The following ADAMTSL1 variants were observed in gnomAD, a reference collection of about 807,000 sequenced individuals.
The protein encoded by ADAMTSL1 is ADAMTS like 1.
Under a neutral mutation model 201.8 loss-of-function variants are expected in ADAMTSL1, and 126 were observed. That is an observed-to-expected ratio of 0.62 (90% CI 0.54 to 0.72). The LOEUF (loss-of-function observed/expected upper bound fraction) is 0.72, where lower values mean the gene tolerates loss of function less well. ADAMTSL1 is among the 30% of genes least tolerant of loss of function. The pLI, the probability that ADAMTSL1 is intolerant of heterozygous loss-of-function variation, is 0.00. For synonymous variants in ADAMTSL1, 1,121 were observed against 903.4 expected (o/e 1.24, Z -4.32); for missense variants, 2,679 against 2,277.8 (o/e 1.18, Z -3.59).
chr9:18,800,134 T>C (rs1327056400), intron 20 of ADAMTSL1, among the ~76,000 whole-genome samples: 5 of 151,988 alleles, frequency 3.3e-5, no homozygotes, highest in Non-Finnish European at 7.4e-5. Context: ...CCCAGCACTT[T>C]GGGAGGCTGA....
intron 1 of ADAMTSL1, among the ~76,000 whole-genome samples, chr9:17,914,836 A>T (rs530707384): frequency 2.2e-4 from 34 of 152,264 alleles, no homozygotes; most frequent in Non-Finnish European, 4.4e-4. Flanking sequence ...TCAGGATACA[A>T]AATCAATGTA....
At chr9:18,325,437 T>C (rs946289460) in intron 2 of ADAMTSL1, among the ~76,000 whole-genome samples, 2 of 152,222 alleles carry the variant, frequency 1.3e-5, no homozygotes, top group African/African-American at 4.8e-5. Flanking sequence ...TACATACATA[T>C]TCATGTGGAT....
chr9:18,625,152 G>A (rs1826279560), intron 5 of ADAMTSL1, among the ~76,000 whole-genome samples: 1 of 152,188 alleles, frequency 6.6e-6, no homozygotes, highest in Non-Finnish European at 1.5e-5. Context: ...GAGGAGTCCT[G>A]CCAGATCTCT....
intron 23 of ADAMTSL1, among the ~76,000 whole-genome samples, chr9:18,880,108 A>C (rs1355099211): frequency 1.3e-5 from 2 of 152,096 alleles, no homozygotes; most frequent in African/African-American, 2.4e-5. Context: ...TACTTCTCAT[A>C]CTAGTTCTCT....
chr9:18,567,959 T>C (rs1178204093), intron 3 of ADAMTSL1, among the ~76,000 whole-genome samples: 3 of 152,216 alleles, frequency 2.0e-5, no homozygotes, highest in African/African-American at 7.2e-5. Context: ...TATGCAGTTA[T>C]AACTCTATGC....
At chr9:18,906,558 G>A in intron 27 of ADAMTSL1, 134 bp from the exon 28 acceptor site, 1 of 714,114 alleles carries the variant, frequency 1.4e-6, no homozygotes, top group Non-Finnish European at 2.3e-6. Context: ...ACAGAAATCA[G>A]AATCCAGGTC....
In ADAMTSL1 at chr9:17,957,267, T is replaced by A. The variant is rs141994510; in HGVS notation, c.87+50345T>A. Among the ~76,000 whole-genome samples, 709 of 152,268 alleles carry A rather than the reference T, an allele frequency of 4.7e-3. 4 individuals carry two copies. The highest frequency in any genetic ancestry group is 0.016 in the African/African-American group (675 of 41,578). On this transcript the variant is annotated intron_variant, in intron 1 of 29. Transcript: ENST00000680146. ...AGAATCAGAGCCTAGAAGAGCCCAT[T>A]GGAGTTGACTCCCCAGAATTCTGTC...
chr9:18,031,906 C>T (rs745451383), intron 1 of ADAMTSL1, among the ~76,000 whole-genome samples: 1 of 152,180 alleles, frequency 6.6e-6, no homozygotes, highest in Non-Finnish European at 1.5e-5. Flanking sequence ...GGCACATGAT[C>T]CTGGGCAGGG....
At chr9:17,940,069 G>C (rs1310907357) in intron 1 of ADAMTSL1, among the ~76,000 whole-genome samples, 1 of 152,076 alleles carries the variant, frequency 6.6e-6, no homozygotes, top group Non-Finnish European at 1.5e-5. Context: ...TGGTTAGAAT[G>C]TAGGGTATGG....
intron 4 of ADAMTSL1, among the ~76,000 whole-genome samples, chr9:18,612,223 GA>G (rs1825423224): frequency 1.3e-5 from 2 of 152,206 alleles, no homozygotes; most frequent in Admixed American, 1.3e-4. Flanking sequence ...GTGACAAGTG[GA>G]AATTAAACTC....
intron 26 of ADAMTSL1, among the ~76,000 whole-genome samples, chr9:18,896,756 C>T (rs918256688): frequency 6.6e-6 from 1 of 152,206 alleles, no homozygotes; most frequent in African/African-American, 2.4e-5. Flanking sequence ...TGAGCCAATG[C>T]AACCAAGGCC....
At chr9:17,924,280 T>C (rs1335211690) in intron 1 of ADAMTSL1, among the ~76,000 whole-genome samples, 1 of 152,168 alleles carries the variant, frequency 6.6e-6, no homozygotes, top group African/African-American at 2.4e-5. Context: ...TGGTAAACTA[T>C]TGATTATTGC....
At chr9:18,366,832 T>C (rs1445559917) in intron 2 of ADAMTSL1, among the ~76,000 whole-genome samples, 1 of 152,010 alleles carries the variant, frequency 6.6e-6, no homozygotes, top group East Asian at 1.9e-4. Flanking sequence ...GGTCTCAAAC[T>C]CCTGACCTCA....
intron 2 of ADAMTSL1, among the ~76,000 whole-genome samples, chr9:18,447,460 T>C (rs1388301558): frequency 6.6e-6 from 1 of 152,110 alleles, no homozygotes; most frequent in African/African-American, 2.4e-5. Context: ...GAGCCAAACC[T>C]GTGGGGAAGA....
intron 1 of ADAMTSL1, among the ~76,000 whole-genome samples, chr9:18,131,498 A>G (rs919064371): frequency 6.6e-6 from 1 of 152,162 alleles, no homozygotes; most frequent in African/African-American, 2.4e-5. Flanking sequence ...GGCATCAGAT[A>G]ATGCAAGGGT....
chr9:18,243,837 C>G (rs1162159350), intron 2 of ADAMTSL1, among the ~76,000 whole-genome samples: 1 of 152,032 alleles, frequency 6.6e-6, no homozygotes, highest in African/African-American at 2.4e-5. Flanking sequence ...AACCCATCTT[C>G]CCAGGGAAGA....
chr9:18,680,472 A>G lies in ADAMTSL1; in HGVS notation c.1297A>G (p.Asn433Asp). 1 of 1,614,164 alleles carries G rather than the reference A, an allele frequency of 6.2e-7. No homozygotes were observed. Among genetic ancestry groups the G allele is most frequent in the Non-Finnish European group, 8.5e-7 (1 of 1,180,018 alleles). ...TAAGATGCCCATCGCGCAGCCCTGC[A>G]ACATTTTTGACTGCCCTAAATGGCT... The part of the protein sequence containing the change: ...TPKMPIAQPC[N>D]IFDCPKWLAQ... Residue 433 changes from asparagine (N) to aspartate (D), a missense_variant, in exon 11 of 29, where the codon AAC becomes GAC. Transcript: ENST00000380548.
chr9:18,211,676 T>C (rs1028573119), intron 2 of ADAMTSL1, among the ~76,000 whole-genome samples: 10 of 152,172 alleles, frequency 6.6e-5, no homozygotes, highest in Non-Finnish European at 1.5e-5. Flanking sequence ...TTAAAAATCC[T>C]TCTTTTATTT....
At chr9:18,348,398 T>C (rs1359511243) in intron 2 of ADAMTSL1, among the ~76,000 whole-genome samples, 2 of 152,200 alleles carry the variant, frequency 1.3e-5, no homozygotes, top group South Asian at 2.1e-4. Flanking sequence ...GTTAGGTGTT[T>C]AGGATGAATT....
Sources: allele counts gnomAD v4.1 joint callset (sites outside exome capture counted in the v4.1 genomes callset), GRCh38; gene constraint gnomAD v4.1.1; transcripts MANE v1.5; gene names NCBI Gene and HGNC (gene_info 2026-07-23, HGNC 2026-07-21).